Variants in AKAP6 observed in about 807,000 individuals in gnomAD.
AKAP6 encodes the protein A-kinase anchoring protein 6, also known as A-kinase anchor protein 6.
A neutral mutation model predicts 188.5 loss-of-function variants in AKAP6; 58 were observed. The ratio of observed to expected loss-of-function variants is 0.31; its 90% CI spans 0.25 to 0.38. AKAP6 has a LOEUF of 0.38. Among genes scored for constraint, AKAP6 ranks in the 10% least tolerant of loss-of-function variants. The pLI is 1.00. For synonymous variants in AKAP6, 989 were observed against 998.6 expected (o/e 0.99, Z 0.18); for missense variants, 2,710 against 2,740.0 (o/e 0.99, Z 0.24).
At chr14:32,337,854 C>T (rs146002025) in intron 1 of AKAP6, among the ~76,000 whole-genome samples, 1 of 151,636 alleles carries the variant, frequency 6.6e-6, no homozygotes, top group African/African-American at 2.4e-5. Flanking sequence ...ATAACATAAC[C>T]AGCATAAGGA....
At chr14:32,690,006 G>T (rs1410664302) in intron 8 of AKAP6, among the ~76,000 whole-genome samples, 3 of 150,194 alleles carry the variant, frequency 2.0e-5, no homozygotes, top group Non-Finnish European at 4.4e-5. Context: ...GAACCAGTCT[G>T]GTGTTTTTAG....
At chr14:32,775,500 A>T (rs989908088) in intron 12 of AKAP6, among the ~76,000 whole-genome samples, 6 of 150,296 alleles carry the variant, frequency 4.0e-5, no homozygotes, top group Non-Finnish European at 8.8e-5. Context: ...TGGCCTGATC[A>T]TAGCTTACTG....
Position 32,824,286 on chromosome 14 carries a change from C to T in AKAP6, c.6473C>T (p.Ala2158Val), listed in dbSNP as rs539057347. The T allele has an allele frequency of 2.3e-5, 37 of 1,613,810 alleles. No individual in the cohort carries two copies. In the South Asian group the frequency reaches 3.3e-4, roughly 14 times the overall value. Reference protein sequence around the residue: ...DKEDIECFFEACVEGDSDGEE... With the variant: ...DKEDIECFFEVCVEGDSDGEE... ...GAAGATATTGAATGCTTTTTTGAGG[C>T]CTGTGTTGAGGGTGACTCTGATGGA... Residue 2158 changes from alanine (A) to valine (V), a missense_variant, in exon 13 of 14, where the codon GCC becomes GTC. Around this residue, in one of 2 missense-constraint regions of AKAP6, gnomAD observed 2,473 missense variants for 2,426.1 expected, o/e 1.02. Coordinates refer to ENST00000280979, the MANE Select transcript of AKAP6 (RefSeq NM_004274.5).
chr14:32,481,126 A>G (rs1222786332), intron 2 of AKAP6, among the ~76,000 whole-genome samples: 1 of 152,108 alleles, frequency 6.6e-6, no homozygotes, highest in Non-Finnish European at 1.5e-5. Context: ...ATATTTTAGG[A>G]TCTATTTCTG....
chr14:32,573,038 G>T (rs1378709951), intron 4 of AKAP6, among the ~76,000 whole-genome samples: 2 of 152,088 alleles, frequency 1.3e-5, no homozygotes, highest in Non-Finnish European at 2.9e-5. Flanking sequence ...CATGAGAGTG[G>T]GCAGGAGGAC....
At chr14:32,374,783 C>A (rs1017833879) in intron 1 of AKAP6, among the ~76,000 whole-genome samples, 1 of 152,122 alleles carries the variant, frequency 6.6e-6, no homozygotes, top group African/African-American at 2.4e-5. Context: ...ACCTATCTAT[C>A]CCTTTATAAT....
chr14:32,498,342 A>ATT (rs3837674), intron 2 of AKAP6, among the ~76,000 whole-genome samples: 2 of 151,766 alleles, frequency 1.3e-5, no homozygotes, highest in Non-Finnish European at 2.9e-5. Flanking sequence ...TGCAGGAGCC[A>ATT]TTTTTTTCCA....
In AKAP6 at chr14:32,618,260, T is replaced by C. The variant is rs376244511; in HGVS notation, c.2730+17468T>C. Among the ~76,000 whole-genome samples, 14 of 152,320 alleles carry C rather than the reference T, an allele frequency of 9.2e-5. No homozygotes were observed. The East Asian group carries it at 2.3e-3, about 25-fold the overall frequency. ...TTGTTTACACGGATGAATTGTATAG[T>C]GGTGAAACCTGAGATTTTAGTGTAC... On this transcript the variant is annotated intron_variant, in intron 7 of 13. Coordinates refer to ENST00000280979, the MANE Select transcript of AKAP6 (RefSeq NM_004274.5).
At chr14:32,772,858 T>C (rs1349550033) in intron 11 of AKAP6, among the ~76,000 whole-genome samples, 1 of 152,208 alleles carries the variant, frequency 6.6e-6, no homozygotes, top group East Asian at 1.9e-4. Context: ...TCATTTCTCC[T>C]GAAGGCTCCG....
intron 1 of AKAP6, among the ~76,000 whole-genome samples, chr14:32,377,568 G>C (rs1275568156): frequency 6.6e-6 from 1 of 152,148 alleles, no homozygotes; most frequent in Non-Finnish European, 1.5e-5. Flanking sequence ...CCAGCTATGA[G>C]TACAGTCACA....
chr14:32,826,295 C>T (rs2140159121), intron 13 of AKAP6, among the ~76,000 whole-genome samples: 1 of 152,118 alleles, frequency 6.6e-6, no homozygotes, highest in East Asian at 1.9e-4. Context: ...CAATTGGCTG[C>T]AAGTGAGAAC....
intron 3 of AKAP6, among the ~76,000 whole-genome samples, chr14:32,541,605 A>G (rs1882959381): frequency 6.6e-6 from 1 of 152,168 alleles, no homozygotes; most frequent in Admixed American, 6.5e-5. Context: ...ACTGCGGTGC[A>G]GTAACCATGA....
At chr14:32,416,239 C>T (rs1658564848) in intron 1 of AKAP6, among the ~76,000 whole-genome samples, 1 of 152,080 alleles carries the variant, frequency 6.6e-6, no homozygotes, top group South Asian at 2.1e-4. Context: ...TTGATAGTAC[C>T]CATACCAGTC....
At chr14:32,510,647 C>T (rs996558724) in intron 2 of AKAP6, among the ~76,000 whole-genome samples, 2 of 151,704 alleles carry the variant, frequency 1.3e-5, no homozygotes, top group Non-Finnish European at 2.9e-5. Context: ...TAAGCTGTGT[C>T]TGTACCAATG....
chr14:32,449,717 T>C (rs981497041), intron 2 of AKAP6, among the ~76,000 whole-genome samples: 19 of 152,054 alleles, frequency 1.2e-4, no homozygotes, highest in African/African-American at 4.6e-4. Context: ...GTAGAACAAA[T>C]TAGATTCCAA....
At chr14:32,588,798 A>G (rs1885358769) in intron 5 of AKAP6, among the ~76,000 whole-genome samples, 1 of 152,196 alleles carries the variant, frequency 6.6e-6, no homozygotes, top group Admixed American at 6.5e-5. Context: ...AAAATTCTCA[A>G]AGATATATGC....
chr14:32,520,284 G>T (rs1323925629), intron 2 of AKAP6, among the ~76,000 whole-genome samples: 2 of 152,162 alleles, frequency 1.3e-5, no homozygotes, highest in African/African-American at 4.8e-5. Flanking sequence ...ACAATTAAAA[G>T]AACTAGAGAA....
chr14:32,464,453 A>T (rs1350117788), intron 2 of AKAP6, among the ~76,000 whole-genome samples: 1 of 152,230 alleles, frequency 6.6e-6, no homozygotes, highest in African/African-American at 2.4e-5. Context: ...ATGCAAATCA[A>T]TAAATGTAAT....
chr14:32,724,406 A>G (rs886600316), intron 9 of AKAP6, among the ~76,000 whole-genome samples: 10 of 152,202 alleles, frequency 6.6e-5, no homozygotes, highest in African/African-American at 2.2e-4. Flanking sequence ...ATGAAAATCT[A>G]CTGGAAGTGC....
Sources: gnomAD v4.1 joint callset for allele counts (sites outside exome capture counted in the v4.1 genomes callset) on GRCh38, gnomAD v4.1.1 for gene constraint, gnomAD v4.1.1 regional missense constraint, MANE v1.5 for transcripts, NCBI Gene and HGNC (gene_info 2026-07-23, HGNC 2026-07-21) for gene names.